Variants in DNM3 observed in about 807,000 individuals in gnomAD.
DNM3 encodes the protein dynamin 3, also known as dynamin-3.
DNM3 carries 47 observed loss-of-function variants against 101.6 expected under a neutral mutation model. The observed-to-expected ratio is 0.46, with a 90% CI of 0.37 to 0.59. The LOEUF is 0.59. Among genes scored for constraint, DNM3 ranks in the 20% least tolerant of loss-of-function variants. The pLI, the probability that DNM3 is intolerant of heterozygous loss-of-function variation, is 0.00. For missense variants in DNM3, 849 were observed against 1,085.7 expected, an observed-to-expected ratio of 0.78 and a Z score of 3.06; for synonymous variants, 385 against 387.9, an observed-to-expected ratio of 0.99 and a Z score of 0.09.
intron 14 of DNM3, among the ~76,000 whole-genome samples, chr1:172,207,098 C>T (rs1463380464): frequency 9.3e-6 from 1 of 107,494 alleles, no homozygotes; most frequent in Non-Finnish European, 1.8e-5. Flanking sequence ...TTATTCTCCC[C>T]CAAGTCTAAC....
chr1:171,873,258 T>C (rs910691516), intron 1 of DNM3, among the ~76,000 whole-genome samples: 1 of 152,134 alleles, frequency 6.6e-6, no homozygotes, highest in Non-Finnish European at 1.5e-5. Context: ...GTTTGAAGGG[T>C]ACAGCATGGT....
chr1:172,021,116 A>G lies in DNM3; in HGVS notation c.590-11286A>G, dbSNP rs143965825. ...TTCAGATTTTTACTTGTTGGGATGG[A>G]ATGATTTCCAAGCTCCCTACATGCC... On this transcript the variant is annotated intron_variant, in intron 4 of 20. Coordinates refer to ENST00000627582, the MANE Select transcript of DNM3 (RefSeq NM_015569.5). Among the ~76,000 whole-genome samples the G allele has an allele frequency of 9.8e-4, 150 of 152,316 alleles. 1 individual carries two copies. The East Asian group carries it at 0.026, about 27-fold the overall frequency.
intron 11 of DNM3, among the ~76,000 whole-genome samples, chr1:172,073,576 G>A (rs536205281): frequency 5.3e-5 from 8 of 152,282 alleles, no homozygotes; most frequent in African/African-American, 1.4e-4. Flanking sequence ...TGGCTTTCTT[G>A]AGGAAGTACC....
chr1:172,041,966 C>T, intron 7 of DNM3, 43 bp from the exon 8 acceptor site: 1 of 1,542,774 alleles, frequency 6.5e-7, no homozygotes, highest in Non-Finnish European at 8.7e-7. Flanking sequence ...AGTGCAAAGG[C>T]TTGTAACTTT....
At chr1:171,999,369 G>T (rs903944549) in intron 4 of DNM3, among the ~76,000 whole-genome samples, 9 of 152,132 alleles carry the variant, frequency 5.9e-5, no homozygotes, top group African/African-American at 2.2e-4. Flanking sequence ...AGGTTAAGTG[G>T]TTGTGTCATT....
rs183272439 is a variant in DNM3 at position 171,845,970 on chromosome 1, A to T, written c.161+4153A>T. Among the ~76,000 whole-genome samples the T allele has an allele frequency of 7.2e-5, 11 of 152,312 alleles. No homozygotes were observed. In the East Asian group the frequency reaches 2.1e-3, roughly 29 times the overall value. On this transcript the variant is annotated intron_variant, in intron 1 of 20. Coordinates refer to ENST00000627582, the MANE Select transcript of DNM3 (RefSeq NM_015569.5). The stretch of plus-strand genomic sequence containing the variant: ...ACAAATAGAAAAAGTTTTTTGATTA[A>T]TGGGGACGAAATAAAATATTTTTAA...
chr1:171,975,519 C>G lies in DNM3; in HGVS notation c.236-12137C>G, dbSNP rs188000354. ...TAAAGCGTTTAGAATAGATATCACT[C>G]CAAGTTATAAGAATCTGTGATTTTG... On this transcript the variant is annotated intron_variant, in intron 2 of 20. Coordinates refer to ENST00000627582, the MANE Select transcript of DNM3 (RefSeq NM_015569.5). Among the ~76,000 whole-genome samples, 815 of 152,214 alleles carry G rather than the reference C, an allele frequency of 5.4e-3. 3 individuals carry two copies. The highest frequency in any genetic ancestry group is 0.024 in the Middle Eastern group (7 of 294).
intron 4 of DNM3, among the ~76,000 whole-genome samples, chr1:172,000,043 T>C (rs1244174080): frequency 6.6e-6 from 1 of 152,086 alleles, no homozygotes; most frequent in Non-Finnish European, 1.5e-5. Context: ...CCCTAGGGAA[T>C]TAATTCAGGT....
At chr1:172,279,821 G>A (rs1188189873) in intron 15 of DNM3, among the ~76,000 whole-genome samples, 1 of 152,002 alleles carries the variant, frequency 6.6e-6, no homozygotes, top group Middle Eastern at 3.2e-3. Context: ...CTTTGACTTT[G>A]GCAGTAGCCT....
intron 17 of DNM3, among the ~76,000 whole-genome samples, chr1:172,361,507 A>G (rs138440377): frequency 6.6e-4 from 100 of 152,074 alleles, no homozygotes; most frequent in African/African-American, 2.2e-3. Context: ...TCCCAGACTT[A>G]TATCTCTTTA....
chr1:172,107,410 A>G (rs2055142285), intron 13 of DNM3, among the ~76,000 whole-genome samples: 1 of 152,098 alleles, frequency 6.6e-6, no homozygotes, highest in South Asian at 2.1e-4. Context: ...AAAAAAAAGT[A>G]AAAGGGCTTT....
intron 20 of DNM3, among the ~76,000 whole-genome samples, chr1:172,397,631 C>T (rs2070120874): frequency 6.6e-6 from 1 of 152,178 alleles, no homozygotes; most frequent in African/African-American, 2.4e-5. Flanking sequence ...TGCATGAAAA[C>T]TCATACTTAC....
intron 17 of DNM3, among the ~76,000 whole-genome samples, chr1:172,347,201 C>CT (rs199603866): frequency 1.5e-3 from 220 of 147,880 alleles, no homozygotes; most frequent in African/African-American, 5.4e-3. Flanking sequence ...GAAGCCCCCC[C>CT]CGCCAAAAAA....
At chr1:172,185,514 C>T (rs1248978468) in intron 14 of DNM3, among the ~76,000 whole-genome samples, 1 of 152,074 alleles carries the variant, frequency 6.6e-6, no homozygotes. Context: ...ATTCTATATG[C>T]TTGGCAGAGG....
At chr1:172,326,433 G>A (rs1010413444) in intron 17 of DNM3, among the ~76,000 whole-genome samples, 3 of 152,154 alleles carry the variant, frequency 2.0e-5, no homozygotes, top group Non-Finnish European at 4.4e-5. Context: ...TCAGTTCTGG[G>A]AATGTGAACA....
chr1:171,862,655 G>A (rs1396565758), intron 1 of DNM3, among the ~76,000 whole-genome samples: 3 of 152,116 alleles, frequency 2.0e-5, no homozygotes, highest in Non-Finnish European at 2.9e-5. Context: ...ATTAAATAGA[G>A]ATGGTGTTTT....
intron 16 of DNM3, among the ~76,000 whole-genome samples, chr1:172,313,039 A>G (rs1026299933): frequency 6.6e-6 from 1 of 152,210 alleles, no homozygotes; most frequent in Non-Finnish European, 1.5e-5. Context: ...CAGATTTAGC[A>G]TTCTACCAGT....
Position 172,238,577 on chromosome 1 carries a change from C to G in DNM3, c.1660-14996C>G, listed in dbSNP as rs201218735. On this transcript the variant is annotated intron_variant, in intron 14 of 20. Transcript: ENST00000627582. ...ACATGGGATAGGTGAGTTTTGTTAT[C>G]TTCGTAAGTCAGCATGTATTAAGTA... Among the ~76,000 whole-genome samples the G allele has an allele frequency of 2.0e-5, 3 of 152,176 alleles. No individual in the cohort carries two copies. In the East Asian group the frequency reaches 5.8e-4, roughly 29 times the overall value.
chr1:172,291,258 A>T (rs916032654), intron 15 of DNM3, among the ~76,000 whole-genome samples: 1 of 147,056 alleles, frequency 6.8e-6, no homozygotes, highest in Non-Finnish European at 1.5e-5. Flanking sequence ...GTGTGTGTGC[A>T]CACGCATACA....
Sources: gnomAD v4.1 joint callset for allele counts (sites outside exome capture counted in the v4.1 genomes callset) on GRCh38, gnomAD v4.1.1 for gene constraint, MANE v1.5 for transcripts, NCBI Gene and HGNC (gene_info 2026-07-23, HGNC 2026-07-21) for gene names.